NOP2: variants seen among roughly 807,000 people sequenced by gnomAD.
The protein encoded by NOP2 is NOP2 nucleolar protein.
A neutral mutation model predicts 72.7 loss-of-function variants in NOP2; 7 were observed. That is an observed-to-expected ratio of 0.10 (90% CI 0.05 to 0.18). The LOEUF is 0.18. Among genes scored for constraint, NOP2 ranks in the 10% least tolerant of loss-of-function variants. The pLI is 1.00. For synonymous variants in NOP2, 387 were observed against 388.0 expected (o/e 1.00, Z 0.03); for missense variants, 954 against 1,014.7 (o/e 0.94, Z 0.81).
rs1247053428 is a variant in NOP2 at position 6,557,240 on chromosome 12, A to T, written c.2192T>A (p.Leu731Ter). The stretch of plus-strand genomic sequence containing the variant: ...GGTGGCCTGAGTCTTGGATGGGGAT[A>T]ACACAGCCGGTGTTTGTGTGTCTGT... ...KGTDTQTPAVLSPSKTQATLK... is the reference protein window; with the variant it reads ...KGTDTQTPAV The change falls in exon 16 of 16, where the codon TTA (leucine) becomes TAA (stop). Residue 731 changes from leucine to a stop codon, truncating the protein, a stop_gained. Transcript: ENST00000322166. LOFTEE classifies it low-confidence loss of function (END_TRUNC). The T allele has an allele frequency of 1.2e-6, 2 of 1,613,972 alleles. No homozygotes were observed. Among genetic ancestry groups the T allele is most frequent in the Admixed American group, 3.3e-5 (2 of 60,022 alleles).
chr12:6,562,287 G>A (rs184526175), intron 9 of NOP2, among the ~76,000 whole-genome samples: 18 of 152,218 alleles, frequency 1.2e-4, no homozygotes, highest in African/African-American at 4.1e-4. Flanking sequence ...CACCGCGCCC[G>A]GTAGGGATGA....
intron 9 of NOP2, among the ~76,000 whole-genome samples, 173 bp downstream of exon 9, chr12:6,562,908 C>G (rs147937691): frequency 6.6e-6 from 1 of 152,258 alleles, no homozygotes; most frequent in Non-Finnish European, 1.5e-5. Flanking sequence ...CCACAGAGGT[C>G]CTAGGCCCCC....
chr12:6,561,178 A>G, intron 11 of NOP2, 108 bp from the exon 12 acceptor site: 1 of 1,372,510 alleles, frequency 7.3e-7, no homozygotes, highest in Non-Finnish European at 1.0e-6. Context: ...ACCTCAAGGC[A>G]ACTTCGCTCC....
At chr12:6,567,746 A>G (rs1431560258) in intron 2 of NOP2, 70 bp downstream of exon 2, 18 of 1,219,174 alleles carry the variant, frequency 1.5e-5, no homozygotes, top group Non-Finnish European at 2.1e-5. Context: ...CAGAAACTAA[A>G]AAAGAGAAGA....
In NOP2 at chr12:6,560,253, T is replaced by C. The variant is rs1160290677; in HGVS notation, c.1634A>G (p.Asp545Gly). The change falls in exon 15 of 16, where the codon GAC becomes GGC. Residue 545 changes from aspartate to glycine, a missense_variant. By Grantham distance (94) the Asp-to-Gly change is moderately conservative. This residue lies in a region of NOP2 where 187 missense variants were observed against 276.2 expected (regional missense o/e 0.68). Coordinates refer to ENST00000322166, the MANE Select transcript of NOP2 (RefSeq NM_001258308.2). The surrounding 1 kb of genome is among the most constrained non-coding windows in gnomAD (Gnocchi z 5.0). ...GCGGGTAAAACCTTCCTGGCCAAAG[T>C]CTAGGCCCGTGGGCACCAGTCGCAC... is the stretch of plus-strand genomic sequence containing the variant. Reference protein sequence around the residue: ...RNVRLVPTGLDFGQEGFTRFR... With the variant: ...RNVRLVPTGLGFGQEGFTRFR... 1 of 1,613,976 alleles carries C rather than the reference T, an allele frequency of 6.2e-7. No individual in the cohort carries two copies. The highest frequency in any genetic ancestry group is 1.3e-5 in the African/African-American group (1 of 75,032).
Position 6,563,649 on chromosome 12 carries a change from G to A in NOP2, c.653C>T (p.Pro218Leu), listed in dbSNP as rs770657403. ...CTCCCCAGCAGGGGGCAGCACAAATGGTTCCTCATCCACATTGATCTGCAG... is the reference window on the plus strand; with the variant it reads ...CTCCCCAGCAGGGGGCAGCACAAATAGTTCCTCATCCACATTGATCTGCAG... ...GGLQINVDEE[P>L]FVLPPAGEME... is the part of the protein sequence containing the mutation. The change falls in exon 7 of 16, where the codon CCA becomes CTA. Residue 218 changes from proline to leucine, a missense_variant. Physicochemically the swap from Pro to Leu is moderately conservative, Grantham distance 98. Transcript: ENST00000322166. 20 of 1,613,216 alleles carry A rather than the reference G, an allele frequency of 1.2e-5. No individual in the cohort carries two copies. Among genetic ancestry groups the A allele is most frequent in the African/African-American group, 5.3e-5 (4 of 74,900 alleles).
chr12:6,568,014 C>T, intron 1 of NOP2, 92 bp from the exon 2 acceptor site: 1 of 949,926 alleles, frequency 1.1e-6, no homozygotes, highest in Non-Finnish European at 1.6e-6. Context: ...GGAAAGGGCA[C>T]AGCCTCAACT....
chr12:6,566,043 G>T, intron 5 of NOP2, 58 bp downstream of exon 5: 1 of 1,413,294 alleles, frequency 7.1e-7, no homozygotes, highest in Non-Finnish European at 9.8e-7. Flanking sequence ...TCAAGAATCT[G>T]GGAAAGAAAC....
At chr12:6,559,679 C>A (rs1288299441) in intron 15 of NOP2, among the ~76,000 whole-genome samples, 1 of 152,220 alleles carries the variant, frequency 6.6e-6, no homozygotes, top group African/African-American at 2.4e-5. Flanking sequence ...AGAAAACAAT[C>A]TGCAATGAGT....
At chr12:6,568,088 C>A in intron 1 of NOP2, 119 bp downstream of exon 1, 1 of 602,850 alleles carries the variant, frequency 1.7e-6, no homozygotes, top group East Asian at 2.8e-5. Context: ...CCCCGCTATC[C>A]CCCTGGAGGC....
intron 15 of NOP2, chr12:6,558,113 C>A: frequency 2.8e-6 from 1 of 354,410 alleles, no homozygotes; most frequent in Non-Finnish European, 5.2e-6. Context: ...TGCAGTCCAG[C>A]CTGAGCGACA....
At chr12:6,558,346 C>T (rs1472434216) in intron 15 of NOP2, among the ~76,000 whole-genome samples, 1 of 149,860 alleles carries the variant, frequency 6.7e-6, no homozygotes, top group Non-Finnish European at 1.5e-5. Context: ...GATCTCGGCT[C>T]ACTGCAACCT....
chr12:6,559,558 C>G (rs11064254), intron 15 of NOP2, among the ~76,000 whole-genome samples: 34,137 of 152,150 alleles, frequency 0.22, 5,212 homozygotes, highest in African/African-American at 0.44. Context: ...GCACTTCTCT[C>G]CCTCTTCCAA....
At chr12:6,562,300 ATTTT>A (rs1235107888) in intron 9 of NOP2, among the ~76,000 whole-genome samples, 4 of 152,144 alleles carry the variant, frequency 2.6e-5, no homozygotes, top group Middle Eastern at 3.2e-3. Context: ...AGGGATGAAG[ATTTT>A]AATAACCTCA....
At chr12:6,558,411 G>A (rs1025318759) in intron 15 of NOP2, among the ~76,000 whole-genome samples, 7 of 150,182 alleles carry the variant, frequency 4.7e-5, no homozygotes, top group East Asian at 4.0e-4. Context: ...AATCACAACC[G>A]TGCGCCACCA....
chr12:6,563,953 A>C lies in NOP2; in HGVS notation c.475-7T>G. 1 of 1,612,986 alleles carries C rather than the reference A, an allele frequency of 6.2e-7. No homozygotes were observed. Among genetic ancestry groups the C allele is most frequent in the Non-Finnish European group, 8.5e-7 (1 of 1,179,488 alleles). ...CTCTTTCAATGGGCAGCAACTGAAG[A>C]GAGACAAGGGCTATTAATACAGGCC... On this transcript the variant is annotated splice_polypyrimidine_tract_variant and splice_region_variant and intron_variant, in intron 5 of 15. Transcript: ENST00000322166.
At position 6,557,621 on chromosome 12, in the gene NOP2, G is replaced by C. The variant is rs767968975; in HGVS notation, c.1811C>G (p.Pro604Arg). 6.2e-7 allele frequency: 1 copy of C among 1,611,852 alleles called. No homozygotes were observed. The highest frequency in any genetic ancestry group is 8.5e-7 in the Non-Finnish European group (1 of 1,179,070). Residue 604 changes from proline (P) to arginine (R), a missense_variant, in exon 16 of 16, where the codon CCT becomes CGT. Around this residue, in one of 3 missense-constraint regions of NOP2, gnomAD observed 269 missense variants for 260.2 expected, o/e 1.03. Coordinates refer to ENST00000322166, the MANE Select transcript of NOP2 (RefSeq NM_001258308.2). ...GACCTGAGGCAAGTCTACATTTGTA[G>C]GTGTGGCTGTTTCAGAATTTCCTGG... Reference protein sequence around the residue: ...SQTGNSETATPTNVDLPQVIP... With the variant: ...SQTGNSETATRTNVDLPQVIP...
At position 6,557,367 on chromosome 12, in the gene NOP2, T is replaced by C; in HGVS notation, c.2065A>G (p.Ile689Val). 1 of 1,614,054 alleles carries C rather than the reference T, an allele frequency of 6.2e-7. No homozygotes were observed. The highest frequency in any genetic ancestry group is 1.1e-5 in the South Asian group (1 of 91,092). The change falls in exon 16 of 16, where the codon ATC becomes GTC. Residue 689 changes from isoleucine (I) to valine (V), a missense_variant. Coordinates refer to ENST00000322166, the MANE Select transcript of NOP2 (RefSeq NM_001258308.2). Reference protein sequence around the residue: ...SSQPAGKAEGIREPKVTGKLK... With the variant: ...SSQPAGKAEGVREPKVTGKLK... ...TTCCCAGTCACCTTTGGCTCCCTGA[T>C]CCCTTCGGCTTTTCCAGCTGGCTGA...
chr12:6,561,602 A>ACCCCAGCCT, intron 11 of NOP2, 62 bp downstream of exon 11: 1 of 1,594,062 alleles, frequency 6.3e-7, no homozygotes. Context: ...AACCCCAGCA[A>ACCCCAGCCT]CCCCATCTAC....
Sources: allele counts gnomAD v4.1 joint callset (sites outside exome capture counted in the v4.1 genomes callset), GRCh38; gene constraint gnomAD v4.1.1; regional missense constraint gnomAD v4.1.1; non-coding constraint Gnocchi (gnomAD v3.1); transcripts MANE v1.5; gene names NCBI Gene and HGNC (gene_info 2026-07-23, HGNC 2026-07-21).